Variants in DOCK2 observed in about 807,000 individuals in gnomAD.
The protein encoded by DOCK2 is dedicator of cytokinesis protein 2.
Under a neutral mutation model 248.9 loss-of-function variants are expected in DOCK2, and 87 were observed. That is an observed-to-expected ratio of 0.35 (90% confidence interval 0.29 to 0.42). The LOEUF is 0.42. Ranked by LOEUF, DOCK2 falls within the 10% of genes least tolerant of loss-of-function variation. The pLI is 1.00. For missense variants in DOCK2, 1,747 were observed against 2,300.2 expected, an observed-to-expected ratio of 0.76 and a Z score of 4.92; for synonymous variants, 805 against 821.6, an observed-to-expected ratio of 0.98 and a Z score of 0.35.
chr5:169,883,851 G>A, intron 27 of DOCK2: 1 of 1,536,690 alleles, frequency 6.5e-7, no homozygotes, highest in Non-Finnish European at 8.8e-7. Flanking sequence ...ATTCTAGACT[G>A]TTACGCTTTA....
rs1334564760 is a variant in DOCK2 at position 170,050,240 on chromosome 5, C to T, written c.4072-16C>T. On this transcript the variant is annotated splice_polypyrimidine_tract_variant and intron_variant, in intron 40 of 51. Transcript: ENST00000520908. ...CCTGGGTCCCCAAATCTCTAATGAG[C>T]ATCCTTTCTCTGCAGAACAAAGTGT... is the stretch of plus-strand genomic sequence containing the variant. 6.2e-7 allele frequency: 1 copy of T among 1,612,646 alleles called. No individual in the cohort carries two copies.
intron 23 of DOCK2, among the ~76,000 whole-genome samples, chr5:169,759,151 G>A (rs1474977262): frequency 1.3e-5 from 2 of 152,124 alleles, no homozygotes; most frequent in Non-Finnish European, 2.9e-5. Flanking sequence ...CCAGCTAGTG[G>A]ACCAAAACAT....
chr5:169,727,922 G>A (rs1292148294), intron 22 of DOCK2, among the ~76,000 whole-genome samples: 2 of 152,306 alleles, frequency 1.3e-5, no homozygotes, highest in Admixed American at 6.5e-5. Flanking sequence ...AGGTTAGTTC[G>A]TGGAAGATGA....
At chr5:170,055,506 T>C (rs2113857090) in intron 42 of DOCK2, 120 bp downstream of exon 42, 1 of 888,258 alleles carries the variant, frequency 1.1e-6, no homozygotes, top group South Asian at 1.6e-5. Context: ...TCTTAGCCAG[T>C]TTTTCCCCCC....
chr5:170,032,704 G>A (rs1285765837), intron 34 of DOCK2, among the ~76,000 whole-genome samples: 1 of 152,226 alleles, frequency 6.6e-6, no homozygotes, highest in Non-Finnish European at 1.5e-5. Flanking sequence ...CTCCCATTGA[G>A]AGCCAGGGAA....
intron 22 of DOCK2, among the ~76,000 whole-genome samples, chr5:169,738,524 G>A (rs1292547748): frequency 6.6e-6 from 1 of 152,204 alleles, no homozygotes; most frequent in African/African-American, 2.4e-5. Context: ...GGGGCCTTTA[G>A]GCTGTGCTTG....
Position 169,764,189 on chromosome 5 carries a change from C to T in DOCK2, c.2554+2564C>T, listed in dbSNP as rs1352760669. Reference sequence around the variant, plus strand: ...GGACGTGATTTGCTTTGAGCCTGCACTCATTTAACTGCCAGATGTGCAAAT... The same window carrying T: ...GGACGTGATTTGCTTTGAGCCTGCATTCATTTAACTGCCAGATGTGCAAAT... On this transcript the variant is annotated intron_variant, in intron 25 of 51. Transcript: ENST00000520908. The surrounding 1 kb of genome is among the most constrained non-coding windows in gnomAD (Gnocchi z 4.3). Among the ~76,000 whole-genome samples the T allele has an allele frequency of 6.6e-6, 1 of 152,178 alleles. No homozygotes were observed. Among genetic ancestry groups the T allele is most frequent in the Non-Finnish European group, 1.5e-5 (1 of 68,042 alleles).
chr5:169,650,986 A>G (rs529684166), intron 1 of DOCK2, among the ~76,000 whole-genome samples: 1 of 152,306 alleles, frequency 6.6e-6, no homozygotes, highest in East Asian at 1.9e-4. Context: ...GGCACTGGGC[A>G]GGGTGGAGCA....
At chr5:170,078,898 A>T (rs1757929711) in intron 48 of DOCK2, 77 bp from the exon 49 acceptor site, 1 of 1,550,788 alleles carries the variant, frequency 6.4e-7, no homozygotes, top group African/African-American at 1.4e-5. Context: ...GGTCCCCTTC[A>T]GCTTCCTGGG....
intron 27 of DOCK2, among the ~76,000 whole-genome samples, chr5:169,973,983 C>T (rs546579935): frequency 1.9e-4 from 29 of 152,308 alleles, no homozygotes; most frequent in African/African-American, 5.8e-4. Flanking sequence ...AAGGTTAATT[C>T]AGCAGGGGGA....
At chr5:169,709,458 T>C (rs428423) in intron 15 of DOCK2, among the ~76,000 whole-genome samples, 78,694 of 152,076 alleles carry the variant, frequency 0.52, 20,969 homozygotes, top group East Asian at 0.86. Flanking sequence ...CCCAGCACTA[T>C]GAGAGGCTGA....
At chr5:169,957,770 G>T (rs1233165726) in intron 27 of DOCK2, among the ~76,000 whole-genome samples, 4 of 152,182 alleles carry the variant, frequency 2.6e-5, no homozygotes, top group Non-Finnish European at 4.4e-5. Flanking sequence ...TCATGACCCT[G>T]TTAGCCCAAA....
intron 27 of DOCK2, among the ~76,000 whole-genome samples, chr5:169,936,243 G>A (rs571076144): frequency 3.3e-5 from 5 of 152,168 alleles, no homozygotes; most frequent in African/African-American, 9.7e-5. Flanking sequence ...TAACACTTCC[G>A]TGCATGGTTC....
chr5:169,896,322 G>A (rs1202565343), intron 27 of DOCK2, among the ~76,000 whole-genome samples: 4 of 152,166 alleles, frequency 2.6e-5, no homozygotes, highest in Non-Finnish European at 5.9e-5. Context: ...AGTGGCTGGG[G>A]GTGGTCTGAT....
chr5:169,823,251 T>A (rs1436519840), intron 26 of DOCK2, among the ~76,000 whole-genome samples: 2 of 151,920 alleles, frequency 1.3e-5, no homozygotes, highest in Non-Finnish European at 2.9e-5. Flanking sequence ...AAAGAGAGAA[T>A]CCTCCCTAAC....
intron 25 of DOCK2, among the ~76,000 whole-genome samples, chr5:169,781,501 T>C (rs1028636634): frequency 6.6e-6 from 1 of 152,216 alleles, no homozygotes; most frequent in Non-Finnish European, 1.5e-5. Flanking sequence ...CCAGTCTCTG[T>C]TGCCAGGACA....
At chr5:169,818,706 G>A (rs1768227577) in intron 26 of DOCK2, among the ~76,000 whole-genome samples, 1 of 152,148 alleles carries the variant, frequency 6.6e-6, no homozygotes, top group South Asian at 2.1e-4. Flanking sequence ...TTTGGGAAGT[G>A]TTGGGTTCTA....
rs181177779 is a variant in DOCK2, at chr5:169,824,689, A to G, written c.2704-16068A>G. Among the ~76,000 whole-genome samples, 10 of 152,348 alleles carry G rather than the reference A, an allele frequency of 6.6e-5. 1 individual carries two copies. The highest frequency in any genetic ancestry group is 5.2e-4 in the Admixed American group (8 of 15,304). ...AAAACCCTAGAAGAAAACCTAGGCA[A>G]TACCATTCAGGACATAGGCATGGGC... is the stretch of plus-strand genomic sequence containing the variant. On this transcript the variant is annotated intron_variant, in intron 26 of 51. Transcript: ENST00000520908.
At chr5:169,911,013 C>T (rs1177634646) in intron 27 of DOCK2, among the ~76,000 whole-genome samples, 1 of 152,162 alleles carries the variant, frequency 6.6e-6, no homozygotes, top group African/African-American at 2.4e-5. Context: ...TCCAAGGCCC[C>T]AGGAAAAGCA....
Sources: gnomAD v4.1 joint callset for allele counts (sites outside exome capture counted in the v4.1 genomes callset) on GRCh38, gnomAD v4.1.1 for gene constraint, Gnocchi (gnomAD v3.1) non-coding constraint, MANE v1.5 for transcripts, NCBI Gene and HGNC (gene_info 2026-07-23, HGNC 2026-07-21) for gene names.